The following ASAP1 variants were observed in gnomAD, a reference collection of about 807,000 sequenced individuals.
The protein encoded by ASAP1 is ArfGAP with SH3 domain, ankyrin repeat and PH domain 1.
ASAP1 carries 43 observed loss-of-function variants against 145.2 expected under a neutral mutation model. The observed-to-expected ratio is 0.30, with a 90% CI of 0.23 to 0.38. ASAP1 has a LOEUF of 0.38. ASAP1 is among the 10% of genes least tolerant of loss of function. ASAP1 has a pLI of 1.00. For missense variants in ASAP1, 1,018 were observed against 1,355.3 expected (o/e 0.75, Z 3.91); for synonymous variants, 546 against 515.5 (o/e 1.06, Z -0.80).
intron 3 of ASAP1, among the ~76,000 whole-genome samples, chr8:130,275,894 C>T (rs1299309752): frequency 1.3e-5 from 2 of 152,160 alleles, no homozygotes; most frequent in African/African-American, 2.4e-5. Flanking sequence ...GAACGTAAAC[C>T]GTTACAACCA....
In ASAP1 at chr8:130,053,306, A is replaced by G. The variant is rs2097396917; in HGVS notation, c.*1425T>C. 6.6e-6 allele frequency: 1 copy of G among 152,274 alleles called. No individual in the cohort carries two copies. The highest frequency in any genetic ancestry group is 1.5e-5 in the Non-Finnish European group (1 of 68,044). The allele number at this position is 152,274 out of a possible 1,614,324, so 9.4% of individuals were successfully genotyped here. On this transcript the variant is annotated 3_prime_UTR_variant, in exon 30 of 30. Transcript: ENST00000518721. ...AGCAAATGTAGTGCCAGAATGACACATGAGCCTCGGACTCAGGGAACAGTT... is the reference window on the plus strand; with the variant it reads ...AGCAAATGTAGTGCCAGAATGACACGTGAGCCTCGGACTCAGGGAACAGTT...
intron 24 of ASAP1, among the ~76,000 whole-genome samples, chr8:130,105,640 T>A (rs1414594976): frequency 6.6e-6 from 1 of 152,214 alleles, no homozygotes; most frequent in African/African-American, 2.4e-5. Flanking sequence ...TTAAGTTAAT[T>A]ACTTTAAAAA....
chr8:130,054,859 G>T, intron 29 of ASAP1, 54 bp from the exon 30 acceptor site: 1 of 1,442,968 alleles, frequency 6.9e-7, no homozygotes. Flanking sequence ...GTGGCCCCAC[G>T]ACAAACCCAG....
chr8:130,326,538 G>C (rs1463662760), intron 3 of ASAP1, among the ~76,000 whole-genome samples: 2 of 152,196 alleles, frequency 1.3e-5, no homozygotes, highest in Admixed American at 1.3e-4. Flanking sequence ...CTGAACTCCT[G>C]TTGCAACAAC....
At chr8:130,149,227 T>G (rs1223802014) in intron 13 of ASAP1, among the ~76,000 whole-genome samples, 1 of 148,160 alleles carries the variant, frequency 6.7e-6, no homozygotes, top group African/African-American at 2.5e-5. Flanking sequence ...TTATACTGTG[T>G]TTAGAACATA....
rs543815212 is a variant in ASAP1, at chr8:130,301,644, A to G, written c.186+56373T>C. 2.0e-5 allele frequency among the ~76,000 whole-genome samples: 3 copies of G among 152,346 alleles called. No homozygotes were observed. In the South Asian group the frequency reaches 6.2e-4, roughly 32 times the overall value. ...AAAACCCCAATTGTCCTTAAACTCT[A>G]GCAACCAGAAATAACTAATGTAACC... On this transcript the variant is annotated intron_variant, in intron 3 of 29. Coordinates refer to ENST00000518721, the MANE Select transcript of ASAP1 (RefSeq NM_018482.4).
At chr8:130,161,132 C>G (rs1423338655) in intron 11 of ASAP1, among the ~76,000 whole-genome samples, 3 of 151,918 alleles carry the variant, frequency 2.0e-5, no homozygotes, top group Non-Finnish European at 4.4e-5. Flanking sequence ...GAATCAATAC[C>G]TCAGTGAAAC....
chr8:130,225,147 T>A (rs1817517296), intron 4 of ASAP1, among the ~76,000 whole-genome samples: 1 of 152,230 alleles, frequency 6.6e-6, no homozygotes, highest in Non-Finnish European at 1.5e-5. Flanking sequence ...ATTTTTCCTA[T>A]CAGTTTGTAA....
intron 27 of ASAP1, among the ~76,000 whole-genome samples, chr8:130,074,601 A>G (rs2097458125): frequency 6.6e-6 from 1 of 152,168 alleles, no homozygotes; most frequent in South Asian, 2.1e-4. Flanking sequence ...ACAGCAATGC[A>G]AAAGATGGAG....
chr8:130,397,477 C>T (rs72724496), intron 2 of ASAP1, among the ~76,000 whole-genome samples: 13,006 of 152,226 alleles, frequency 0.085, 625 homozygotes, highest in African/African-American at 0.14. Flanking sequence ...CCTGTATACA[C>T]GTCTTCATAA....
intron 3 of ASAP1, among the ~76,000 whole-genome samples, chr8:130,309,071 A>C (rs1397090152): frequency 3.9e-5 from 6 of 152,158 alleles, no homozygotes; most frequent in Non-Finnish European, 5.9e-5. Flanking sequence ...GTAGCCTTAG[A>C]TTTTCAGTAC....
At chr8:130,295,070 C>G (rs184690532) in intron 3 of ASAP1, among the ~76,000 whole-genome samples, 8 of 152,120 alleles carry the variant, frequency 5.3e-5, no homozygotes, top group African/African-American at 1.2e-4. Flanking sequence ...TCAAGACCAG[C>G]CTGGGCAATA....
rs147789206 is a variant in ASAP1, at chr8:130,257,357, G to T, written c.187-20363C>A. ...GACAAGGTCCACTAAGAACAAACAA[G>T]TAGTTCAAAACCAGTCACAATCCAA... On this transcript the variant is annotated intron_variant, in intron 3 of 29. Transcript: ENST00000518721. 1.8e-3 allele frequency among the ~76,000 whole-genome samples: 270 copies of T among 152,208 alleles called. 2 individuals are homozygous for T. The highest frequency in any genetic ancestry group is 6.0e-3 in the African/African-American group (251 of 41,544).
At chr8:130,134,121 G>C (rs2097588736) in intron 15 of ASAP1, among the ~76,000 whole-genome samples, 175 bp downstream of exon 15, 1 of 152,202 alleles carries the variant, frequency 6.6e-6, no homozygotes, top group Non-Finnish European at 1.5e-5. Context: ...GAGTAGACAA[G>C]AGGGAGAACC....
intron 5 of ASAP1, among the ~76,000 whole-genome samples, chr8:130,197,407 C>A (rs1815571540): frequency 6.6e-6 from 1 of 152,000 alleles, no homozygotes; most frequent in Non-Finnish European, 1.5e-5. Context: ...CCAGCCTGGG[C>A]AACAGAATGA....
intron 24 of ASAP1, among the ~76,000 whole-genome samples, chr8:130,098,916 A>T (rs1331811036): frequency 6.6e-6 from 1 of 151,960 alleles, no homozygotes; most frequent in Non-Finnish European, 1.5e-5. Flanking sequence ...GTATCCATTA[A>T]TCAGCCTCAT....
At chr8:130,306,342 C>A (rs1336823599) in intron 3 of ASAP1, among the ~76,000 whole-genome samples, 2 of 152,202 alleles carry the variant, frequency 1.3e-5, no homozygotes, top group Non-Finnish European at 2.9e-5. Flanking sequence ...ACTGTAAATG[C>A]ACATAAGTGA....
At chr8:130,417,264 A>G (rs2138679656) in intron 1 of ASAP1, among the ~76,000 whole-genome samples, 1 of 152,330 alleles carries the variant, frequency 6.6e-6, no homozygotes, top group African/African-American at 2.4e-5. Context: ...CCCAAGTCCA[A>G]CTGCATGCAC....
chr8:130,211,083 A>T (rs1816551414), intron 5 of ASAP1, among the ~76,000 whole-genome samples: 1 of 152,196 alleles, frequency 6.6e-6, no homozygotes, highest in African/African-American at 2.4e-5. Context: ...TGTGATTGGG[A>T]CCAAAACCCA....
Sources: gnomAD v4.1 joint callset for allele counts (sites outside exome capture counted in the v4.1 genomes callset) on GRCh38, gnomAD v4.1.1 for gene constraint, MANE v1.5 for transcripts, NCBI Gene and HGNC (gene_info 2026-07-23, HGNC 2026-07-21) for gene names.